The following CPXM2 variants were observed in gnomAD, a reference collection of about 807,000 sequenced individuals.
CPXM2 encodes carboxypeptidase X, M14 family member 2.
CPXM2 carries 66 observed loss-of-function variants against 86.1 expected under a neutral mutation model. That is an observed-to-expected ratio of 0.77 (90% CI 0.63 to 0.94). The LOEUF (loss-of-function observed/expected upper bound fraction) is 0.94. CPXM2 is among the 40% of genes least tolerant of loss of function. The pLI is 0.00. For missense variants in CPXM2, 948 were observed against 1,026.3 expected, an observed-to-expected ratio of 0.92 and a Z score of 1.04; for synonymous variants, 388 against 400.2, an observed-to-expected ratio of 0.97 and a Z score of 0.36.
intron 2 of CPXM2, among the ~76,000 whole-genome samples, chr10:123,922,684 G>A (rs781476137): frequency 6.6e-5 from 10 of 152,184 alleles, no homozygotes; most frequent in Admixed American, 1.3e-4. Context: ...TAGGAGGCTC[G>A]GCGAGGTGAG....
At chr10:123,825,886 G>C (rs908169593) in intron 4 of CPXM2, among the ~76,000 whole-genome samples, 2 of 152,060 alleles carry the variant, frequency 1.3e-5, no homozygotes, top group Admixed American at 6.6e-5. Flanking sequence ...TTTAAAGACT[G>C]GTATATTACC....
At chr10:123,834,641 G>A (rs932327361) in intron 4 of CPXM2, among the ~76,000 whole-genome samples, 1 of 152,228 alleles carries the variant, frequency 6.6e-6, no homozygotes, top group Non-Finnish European at 1.5e-5. Context: ...CAGATGGGCA[G>A]TAGGAGCCAG....
At chr10:123,763,529 G>T (rs1219747) in intron 10 of CPXM2, among the ~76,000 whole-genome samples, 151,655 of 151,670 alleles carry the variant, frequency 1, 75,820 homozygotes, top group Middle Eastern at 1. Flanking sequence ...TATCGTTTGG[G>T]TTTACTTGCT....
At chr10:123,888,569 A>T (rs1945216367) in intron 1 of CPXM2, among the ~76,000 whole-genome samples, 1 of 152,236 alleles carries the variant, frequency 6.6e-6, no homozygotes, top group Non-Finnish European at 1.5e-5. Flanking sequence ...TCAAGCCGCT[A>T]CTTAAAGTAG....
upstream of CPXM2, among the ~76,000 whole-genome samples, chr10:123,892,214 G>A (rs1458278392): frequency 6.6e-6 from 1 of 152,166 alleles, no homozygotes; most frequent in African/African-American, 2.4e-5. Flanking sequence ...CGCAGACGTG[G>A]ACTTCCCACT....
chr10:123,912,319 G>GA (rs1448503561), intron 2 of CPXM2, among the ~76,000 whole-genome samples: 1 of 128,200 alleles, frequency 7.8e-6, no homozygotes, highest in African/African-American at 2.9e-5. Context: ...GGGGGGGGGG[G>GA]GGCAGGCATT....
intron 2 of CPXM2, among the ~76,000 whole-genome samples, chr10:123,878,090 G>T (rs1222925129): frequency 6.6e-6 from 1 of 152,066 alleles, no homozygotes; most frequent in Non-Finnish European, 1.5e-5. Context: ...CCTGACAGGA[G>T]GATGGACTCA....
In CPXM2 at chr10:123,865,114, C is replaced by T. The variant is rs1848948415; in HGVS notation, c.404-2391G>A. Among the ~76,000 whole-genome samples, 1 of 152,212 alleles carries T rather than the reference C, an allele frequency of 6.6e-6. No homozygotes were observed. On this transcript the variant is annotated intron_variant, in intron 2 of 13. Coordinates refer to ENST00000241305, the MANE Select transcript of CPXM2 (RefSeq NM_198148.3). This position sits in a 1 kb window ranked among gnomAD's most constrained non-coding sequence, Gnocchi z 4.7. ...AACTTCACCCCCTCCACCCACAGCA[C>T]AGATGATGACTTTGGTGGGGGAGCC...
chr10:123,909,335 A>G (rs544111661), intron 2 of CPXM2, among the ~76,000 whole-genome samples: 1 of 152,222 alleles, frequency 6.6e-6, no homozygotes, highest in Non-Finnish European at 1.5e-5. Context: ...CTATGTTTCT[A>G]TAAATCCCGA....
rs140815178 is a variant in CPXM2 at position 123,822,665 on chromosome 10, A to G, written c.653+19684T>C. Among the ~76,000 whole-genome samples the G allele has an allele frequency of 2.8e-3, 419 of 152,204 alleles. 2 individuals are homozygous for G. The highest frequency in any genetic ancestry group is 9.3e-3 in the African/African-American group (385 of 41,514). ...TTCATTTTAAGCCAGAAAAAAATTTATACAAGAGAATATGCAAATAATAAT... is the reference window on the plus strand; with the variant it reads ...TTCATTTTAAGCCAGAAAAAAATTTGTACAAGAGAATATGCAAATAATAAT... On this transcript the variant is annotated intron_variant, in intron 4 of 13. Coordinates refer to ENST00000241305, the MANE Select transcript of CPXM2 (RefSeq NM_198148.3).
intron 2 of CPXM2, among the ~76,000 whole-genome samples, chr10:123,864,435 C>G (rs1294989255): frequency 6.6e-6 from 1 of 152,226 alleles, no homozygotes; most frequent in Non-Finnish European, 1.5e-5. Flanking sequence ...CAGGTCCTGT[C>G]CCTCCATGTC....
intron 1 of CPXM2, among the ~76,000 whole-genome samples, chr10:123,888,522 G>C (rs144700556): frequency 6.6e-6 from 1 of 152,220 alleles, no homozygotes; most frequent in African/African-American, 2.4e-5. Context: ...CCAATGCAGA[G>C]ATAAGTGCTT....
intron 9 of CPXM2, 112 bp downstream of exon 9, chr10:123,768,414 A>AATAT: frequency 2.0e-6 from 1 of 512,762 alleles, no homozygotes; most frequent in Non-Finnish European, 3.1e-6. Context: ...TAAATAAATA[A>AATAT]ATAAATAAAG....
intron 6 of CPXM2, among the ~76,000 whole-genome samples, chr10:123,782,273 C>G (rs147910535): frequency 2.0e-5 from 3 of 152,198 alleles, no homozygotes; most frequent in African/African-American, 7.2e-5. Flanking sequence ...CTAACTTACT[C>G]GCAGGCTATT....
At chr10:123,933,794 G>A (rs1286919658) in intron 2 of CPXM2, among the ~76,000 whole-genome samples, 1 of 151,774 alleles carries the variant, frequency 6.6e-6, no homozygotes, top group Non-Finnish European at 1.5e-5. Flanking sequence ...CCCACCCCGG[G>A]CAGGCCACAG....
At chr10:123,879,309 T>C (rs1296476382) in intron 2 of CPXM2, among the ~76,000 whole-genome samples, 1 of 152,222 alleles carries the variant, frequency 6.6e-6, no homozygotes, top group Non-Finnish European at 1.5e-5. Flanking sequence ...CCTGCCTCTG[T>C]AAATGCAAAG....
In CPXM2 at chr10:123,747,007, C is replaced by G; in HGVS notation, c.2028G>C (p.Gly676=). 6.2e-7 allele frequency: 1 copy of G among 1,613,780 alleles called. No individual in the cohort carries two copies. Among genetic ancestry groups the G allele is most frequent in the Non-Finnish European group, 8.5e-7 (1 of 1,179,882 alleles). Residue 676 remains glycine (G), a synonymous_variant, in exon 14 of 14, where the codon GGG becomes GGC. Coordinates refer to ENST00000241305, the MANE Select transcript of CPXM2 (RefSeq NM_198148.3). ...INHDIRTAND[G]DYWRLLNPGE... The stretch of plus-strand genomic sequence containing the variant: ...CAGGGTTCAGGAGGCGCCAGTAATC[C>G]CCATCGTTGGCTGTGAAAAAGAAAA...
At chr10:123,834,268 C>A (rs1347403939) in intron 4 of CPXM2, among the ~76,000 whole-genome samples, 2 of 152,208 alleles carry the variant, frequency 1.3e-5, no homozygotes, top group Non-Finnish European at 2.9e-5. Flanking sequence ...TAGGTGGACT[C>A]TGGCTTGTCT....
rs192822808 is a variant in CPXM2 at position 123,929,652 on chromosome 10, C to T, written n.174+9825G>A. ...CTGCTTCTCCCCACCCACCCTCACC[C>T]CCACTATTCCTGCTGGGAAGGGTCC... On this transcript the variant is annotated intron_variant and non_coding_transcript_variant, in intron 2 of 19. Transcript: ENST00000368854. Among the ~76,000 whole-genome samples, 48 of 152,204 alleles carry T rather than the reference C, an allele frequency of 3.2e-4. No individual in the cohort carries two copies. The East Asian group carries it at 8.3e-3, about 26-fold the overall frequency.
Sources: allele counts gnomAD v4.1 joint callset (sites outside exome capture counted in the v4.1 genomes callset), GRCh38; gene constraint gnomAD v4.1.1; non-coding constraint Gnocchi (gnomAD v3.1); transcripts MANE v1.5; gene names NCBI Gene and HGNC (gene_info 2026-07-23, HGNC 2026-07-21).